The following CNTN4 variants were observed in gnomAD, a reference collection of about 807,000 sequenced individuals.
CNTN4 encodes contactin 4.
A neutral mutation model predicts 122.5 loss-of-function variants in CNTN4; 77 were observed. The ratio of observed to expected loss-of-function variants is 0.63; its 90% CI spans 0.52 to 0.76. The LOEUF is 0.76. CNTN4 is among the 30% of genes least tolerant of loss of function. The probability of loss-of-function intolerance (pLI) is 0.00; values close to 1 mark genes in which losing one functional copy is unlikely to be tolerated. For synonymous variants in CNTN4, 512 were observed against 447.0 expected (o/e 1.15, Z -1.83); for missense variants, 1,256 against 1,259.1 (o/e 1.00, Z 0.04).
At chr3:3,054,961 A>G (rs1020244202) in intron 24 of CNTN4, among the ~76,000 whole-genome samples, 6 of 152,278 alleles carry the variant, frequency 3.9e-5, no homozygotes, top group African/African-American at 1.4e-4. Flanking sequence ...GGAGGTATAA[A>G]TTTTCAAGAC....
chr3:2,461,478 C>T (rs912394532), intron 3 of CNTN4, among the ~76,000 whole-genome samples: 3 of 152,148 alleles, frequency 2.0e-5, no homozygotes, highest in Non-Finnish European at 4.4e-5. Context: ...GCTCAGTGAT[C>T]TCTCCCAGGC....
At chr3:2,109,820 A>C (rs893864336) in intron 2 of CNTN4, among the ~76,000 whole-genome samples, 1 of 152,316 alleles carries the variant, frequency 6.6e-6, no homozygotes, top group African/African-American at 2.4e-5. Context: ...TATTGATTCT[A>C]GACTCCTTAC....
chr3:2,705,760 A>C (rs1370828674), intron 4 of CNTN4, among the ~76,000 whole-genome samples: 1 of 103,340 alleles, frequency 9.7e-6, no homozygotes, highest in Non-Finnish European at 1.7e-5. Context: ...TATAATATAT[A>C]ATATATATTT....
intron 4 of CNTN4, among the ~76,000 whole-genome samples, chr3:2,633,408 A>C (rs146642234): frequency 2.0e-5 from 3 of 152,190 alleles, no homozygotes; most frequent in Non-Finnish European, 2.9e-5. Flanking sequence ...GCTCCTGTAC[A>C]TGTTTAATAA....
chr3:2,695,631 A>T (rs114626502), intron 4 of CNTN4, among the ~76,000 whole-genome samples: 1 of 152,176 alleles, frequency 6.6e-6, no homozygotes, highest in Non-Finnish European at 1.5e-5. Context: ...GATGTTATAG[A>T]GAAGACGAAC....
In CNTN4 at chr3:2,291,428, G is replaced by T. The variant is rs531847468; in HGVS notation, c.-144-47750G>T. 2.0e-3 allele frequency among the ~76,000 whole-genome samples: 311 copies of T among 152,190 alleles called. 1 individual carries two copies. The highest frequency in any genetic ancestry group is 7.3e-3 in the African/African-American group (302 of 41,538). ...CAATTAGACTAGCAGAGTCACCCTA[G>T]TTACAACTGGTTCCTATCCTCTCCC... On this transcript the variant is annotated intron_variant, in intron 2 of 24. Coordinates refer to ENST00000418658, the MANE Select transcript of CNTN4 (RefSeq NM_175607.3).
chr3:2,458,735 A>G (rs1202420760), intron 3 of CNTN4, among the ~76,000 whole-genome samples: 1 of 152,116 alleles, frequency 6.6e-6, no homozygotes, highest in African/African-American at 2.4e-5. Flanking sequence ...TTATATAACT[A>G]GAGATTCTTC....
chr3:2,679,958 T>C (rs973091017), intron 4 of CNTN4, among the ~76,000 whole-genome samples: 1 of 152,250 alleles, frequency 6.6e-6, no homozygotes, highest in African/African-American at 2.4e-5. Context: ...ACACTAAATA[T>C]ATTTTGGAAT....
Position 2,709,775 on chromosome 3 carries a change from G to A in CNTN4, c.56-26440G>A, listed in dbSNP as rs777329677. Among the ~76,000 whole-genome samples, 95 of 152,092 alleles carry A rather than the reference G, an allele frequency of 6.2e-4. No individual in the cohort carries two copies. Among genetic ancestry groups the A allele is most frequent in the African/African-American group, 1.4e-3 (59 of 41,512 alleles). ...CTAAAAATACAAAAATTAGCCAGGC[G>A]TGGTGGTGCACACCTGTAGTCCCAG... On this transcript the variant is annotated intron_variant, in intron 4 of 24. Coordinates refer to ENST00000418658, the MANE Select transcript of CNTN4 (RefSeq NM_175607.3). The surrounding 1 kb of genome is among the most constrained non-coding windows in gnomAD (Gnocchi z 5.0).
At chr3:2,600,738 A>T (rs1316382469) in intron 4 of CNTN4, among the ~76,000 whole-genome samples, 1 of 152,184 alleles carries the variant, frequency 6.6e-6, no homozygotes, top group Non-Finnish European at 1.5e-5. Flanking sequence ...GCTGGGTCAA[A>T]CGGTATTTCT....
intron 6 of CNTN4, among the ~76,000 whole-genome samples, chr3:2,747,692 A>T (rs1008427890): frequency 1.3e-5 from 2 of 152,158 alleles, no homozygotes; most frequent in Non-Finnish European, 2.9e-5. Flanking sequence ...CTACCAGGAA[A>T]TGGAATCCAC....
intron 3 of CNTN4, among the ~76,000 whole-genome samples, chr3:2,450,743 C>G (rs918612449): frequency 2.6e-5 from 4 of 152,180 alleles, no homozygotes; most frequent in African/African-American, 9.7e-5. Flanking sequence ...TGGACCAAAG[C>G]CCCCACTTTG....
chr3:3,006,274 A>G (rs1215758378), intron 14 of CNTN4, among the ~76,000 whole-genome samples: 1 of 152,152 alleles, frequency 6.6e-6, no homozygotes, highest in Admixed American at 6.5e-5. Flanking sequence ...CATAAACTTC[A>G]CGATCAGAAC....
chr3:2,929,822 A>G (rs775272779), intron 13 of CNTN4, among the ~76,000 whole-genome samples: 1 of 152,206 alleles, frequency 6.6e-6, no homozygotes, highest in Non-Finnish European at 1.5e-5. Flanking sequence ...AACCACATGG[A>G]CTGAGAATGG....
intron 3 of CNTN4, among the ~76,000 whole-genome samples, chr3:2,443,147 T>TA (rs1350956734): frequency 7.7e-6 from 1 of 130,572 alleles, no homozygotes; most frequent in African/African-American, 2.7e-5. Context: ...CAAATAAAAG[T>TA]TAAAAAAAAA....
intron 11 of CNTN4, 150 bp from the exon 12 acceptor site, chr3:2,902,726 C>A: frequency 1.3e-6 from 1 of 759,474 alleles, no homozygotes; most frequent in Non-Finnish European, 2.2e-6. Context: ...ACAAATTTAG[C>A]TGACAGATAA....
chr3:2,594,182 G>T lies in CNTN4; in HGVS notation c.55+22624G>T, dbSNP rs545289665. Among the ~76,000 whole-genome samples the T allele has an allele frequency of 2.6e-5, 4 of 152,230 alleles. No individual in the cohort carries two copies. The East Asian group carries it at 7.8e-4, about 30-fold the overall frequency. On this transcript the variant is annotated intron_variant, in intron 4 of 24. Coordinates refer to ENST00000418658, the MANE Select transcript of CNTN4 (RefSeq NM_175607.3). The stretch of plus-strand genomic sequence containing the variant: ...GCTCTTTGTCTGGCATTTGATTGGA[G>T]AGCTACATTTTCTTGGAGTAATGTT...
At position 2,508,669 on chromosome 3, in the gene CNTN4, A is replaced by G. The variant is rs975872951; in HGVS notation, c.-88-62747A>G. Among the ~76,000 whole-genome samples the G allele has an allele frequency of 7.2e-5, 11 of 152,306 alleles. 1 individual carries two copies. The South Asian group carries it at 1.0e-3, about 14-fold the overall frequency. ...AGAGATGCCGTTTCTTGCTGTTTCA[A>G]TACCAAGTCTAAAACAATCTCTGTA... On this transcript the variant is annotated intron_variant, in intron 3 of 24. Coordinates refer to ENST00000418658, the MANE Select transcript of CNTN4 (RefSeq NM_175607.3).
At chr3:2,302,047 C>G (rs2042545451) in intron 2 of CNTN4, among the ~76,000 whole-genome samples, 1 of 152,198 alleles carries the variant, frequency 6.6e-6, no homozygotes, top group South Asian at 2.1e-4. Flanking sequence ...TAAATTGGAA[C>G]TGATCTTAAA....
Sources: gnomAD v4.1 joint callset for allele counts (sites outside exome capture counted in the v4.1 genomes callset) on GRCh38, gnomAD v4.1.1 for gene constraint, Gnocchi (gnomAD v3.1) non-coding constraint, MANE v1.5 for transcripts, NCBI Gene and HGNC (gene_info 2026-07-23, HGNC 2026-07-21) for gene names.